The following INPP4B variants were observed in gnomAD, a reference collection of about 807,000 sequenced individuals.
INPP4B encodes the protein inositol polyphosphate 4-phosphatase type II.
INPP4B carries 55 observed loss-of-function variants against 122.5 expected under a neutral mutation model. The observed-to-expected ratio is 0.45, with a 90% CI of 0.36 to 0.56. INPP4B has a LOEUF of 0.56. Ranked by LOEUF, INPP4B falls within the 20% of genes least tolerant of loss-of-function variation. INPP4B has a pLI of 0.00. For missense variants in INPP4B, 1,000 were observed against 1,097.7 expected (o/e 0.91, Z 1.26); for synonymous variants, 403 against 388.7 (o/e 1.04, Z -0.43).
At chr4:142,474,583 AC>A in intron 2 of INPP4B, among the ~76,000 whole-genome samples, 1 of 152,194 alleles carries the variant, frequency 6.6e-6, no homozygotes, top group South Asian at 2.1e-4. Context: ...TTCTGTGTGA[AC>A]CTAGCTGGAG....
At chr4:142,216,248 ATCT>A (rs1847206079) in intron 12 of INPP4B, among the ~76,000 whole-genome samples, 1 of 152,140 alleles carries the variant, frequency 6.6e-6, no homozygotes, top group Admixed American at 6.5e-5. Context: ...TCCAAAACAA[ATCT>A]TCTAACCTGT....
At chr4:142,449,511 G>A (rs547863752) in intron 3 of INPP4B, among the ~76,000 whole-genome samples, 14 of 152,176 alleles carry the variant, frequency 9.2e-5, no homozygotes, top group African/African-American at 3.4e-4. Flanking sequence ...AGACCATCCT[G>A]GCCAACATGG....
chr4:142,670,417 T>C (rs1278260752), intron 2 of INPP4B, among the ~76,000 whole-genome samples: 1 of 151,966 alleles, frequency 6.6e-6, no homozygotes, highest in African/African-American at 2.4e-5. Flanking sequence ...AGTGGATAAA[T>C]AGGTGAAGAA....
At chr4:142,101,361 T>TG (rs982402534) in intron 23 of INPP4B, among the ~76,000 whole-genome samples, 190 of 152,234 alleles carry the variant, frequency 1.2e-3, no homozygotes, top group African/African-American at 4.2e-3. Flanking sequence ...CAGTTATTTT[T>TG]GGGTCTGTGA....
chr4:142,629,718 T>C (rs1052518554), intron 2 of INPP4B, among the ~76,000 whole-genome samples: 1 of 152,014 alleles, frequency 6.6e-6, no homozygotes, highest in African/African-American at 2.4e-5. Flanking sequence ...GAGGGGGCAA[T>C]AGTAAAATAC....
At chr4:142,778,338 A>G (rs1248037708) in intron 1 of INPP4B, among the ~76,000 whole-genome samples, 1 of 152,136 alleles carries the variant, frequency 6.6e-6, no homozygotes, top group Non-Finnish European at 1.5e-5. Context: ...TAATATAGGA[A>G]TTTTAATCAT....
rs184468967 is a variant in INPP4B at position 142,660,526 on chromosome 4, T to C, written c.-191+65313A>G. 6.6e-3 allele frequency among the ~76,000 whole-genome samples: 1,001 copies of C among 152,210 alleles called. 10 individuals carry two copies. Among genetic ancestry groups the C allele is most frequent in the African/African-American group, 0.023 (958 of 41,534 alleles). On this transcript the variant is annotated intron_variant, in intron 2 of 25. Transcript: ENST00000262992. Reference sequence around the variant, plus strand: ...TGTACTATGGGACACTCCCCTCAGATGCATTTTCCAAACAGGAAAGAGTTA... The same window carrying C: ...TGTACTATGGGACACTCCCCTCAGACGCATTTTCCAAACAGGAAAGAGTTA...
chr4:142,296,233 G>A lies in INPP4B; in HGVS notation c.503+9225C>T, dbSNP rs3775683. ...TTTGGATAATGCAAACTAAGAAAGT[G>A]CTAATTGGTTTCCATGGTCATACCT... is the stretch of plus-strand genomic sequence containing the variant. On this transcript the variant is annotated intron_variant, in intron 9 of 25. Transcript: ENST00000262992. Among the ~76,000 whole-genome samples the A allele has an allele frequency of 3.5e-3, 535 of 152,266 alleles. 10 individuals carry two copies. The East Asian group carries it at 0.054, about 15-fold the overall frequency.
intron 2 of INPP4B, among the ~76,000 whole-genome samples, chr4:142,532,699 C>T (rs1048369678): frequency 3.3e-5 from 5 of 151,996 alleles, no homozygotes; most frequent in Non-Finnish European, 2.9e-5. Context: ...ATAAGTAAAA[C>T]ATCTATCAAA....
At chr4:142,785,475 A>G (rs572082857) in intron 1 of INPP4B, among the ~76,000 whole-genome samples, 1 of 152,134 alleles carries the variant, frequency 6.6e-6, no homozygotes, top group South Asian at 2.1e-4. Flanking sequence ...AAGCAGAAAG[A>G]TGAACACTCT....
At chr4:142,517,305 C>T (rs1354050324) in intron 2 of INPP4B, among the ~76,000 whole-genome samples, 1 of 151,984 alleles carries the variant, frequency 6.6e-6, no homozygotes, top group Non-Finnish European at 1.5e-5. Context: ...TGTCAAGCAG[C>T]AGGGCAGTAA....
chr4:142,840,096 T>C (rs1382653661), intron 1 of INPP4B, among the ~76,000 whole-genome samples: 1 of 152,162 alleles, frequency 6.6e-6, no homozygotes, highest in African/African-American at 2.4e-5. Flanking sequence ...AAGAAGAAAT[T>C]GTAAAACAAG....
chr4:142,613,140 G>A (rs1247178630), intron 2 of INPP4B, among the ~76,000 whole-genome samples: 1 of 152,138 alleles, frequency 6.6e-6, no homozygotes, highest in African/African-American at 2.4e-5. Context: ...AATAAAGAGA[G>A]AGCTTTTCTC....
intron 1 of INPP4B, among the ~76,000 whole-genome samples, chr4:142,811,826 C>T (rs78562252): frequency 0.023 from 3,526 of 152,196 alleles, 133 homozygotes; most frequent in African/African-American, 0.08. Flanking sequence ...ACCTATATCT[C>T]TGTTTGCTTA....
chr4:142,383,964 T>G lies in INPP4B; in HGVS notation c.372+18974A>C, dbSNP rs1795079619. 6 of 634,296 alleles carry G rather than the reference T, an allele frequency of 9.5e-6. No individual in the cohort carries two copies. In the East Asian group the frequency reaches 1.6e-4, roughly 17 times the overall value. 39.3% of individuals were successfully genotyped at this position (634,296 alleles called of 1,614,324 possible). On this transcript the variant is annotated intron_variant, in intron 7 of 25. Coordinates refer to ENST00000262992, the MANE Select transcript of INPP4B (RefSeq NM_001101669.3). ...ACTGTTGTGTCTCATTAAGTTACCA[T>G]CGTGCAGCTGTCAAGAAGCTCATGT... is the stretch of plus-strand genomic sequence containing the variant.
At chr4:142,484,627 GGTA>G (rs1820979358) in intron 2 of INPP4B, among the ~76,000 whole-genome samples, 3 of 152,006 alleles carry the variant, frequency 2.0e-5, no homozygotes. Context: ...TAAGTACATA[GGTA>G]CATGTACAGG....
intron 1 of INPP4B, among the ~76,000 whole-genome samples, chr4:142,804,962 C>T (rs552684767): frequency 5.3e-5 from 8 of 152,264 alleles, no homozygotes; most frequent in East Asian, 3.9e-4. Context: ...TCACCATGCT[C>T]GCCTAAATTC....
intron 2 of INPP4B, among the ~76,000 whole-genome samples, chr4:142,634,941 T>A (rs1748767707): frequency 6.6e-6 from 1 of 152,070 alleles, no homozygotes; most frequent in Non-Finnish European, 1.5e-5. Context: ...TGAAAATTAA[T>A]AAGTTAGTTA....
chr4:142,260,707 T>G (rs1399693315), intron 10 of INPP4B, 143 bp from the exon 11 acceptor site: 2 of 613,902 alleles, frequency 3.3e-6, no homozygotes, highest in African/African-American at 3.7e-5. Flanking sequence ...TATTTCTAGC[T>G]CTATCTTTAC....
Sources: gnomAD v4.1 joint callset for allele counts (sites outside exome capture counted in the v4.1 genomes callset) on GRCh38, gnomAD v4.1.1 for gene constraint, MANE v1.5 for transcripts, NCBI Gene and HGNC (gene_info 2026-07-23, HGNC 2026-07-21) for gene names.